ZNF581: variants seen among roughly 807,000 people sequenced by gnomAD.
ZNF581 encodes the protein zinc finger protein 581.
In ZNF581, 1 loss-of-function variant was observed where a neutral mutation model predicts 1.2. The observed-to-expected ratio is 0.83, with a 90% confidence interval of 0.30 to 3.95. The LOEUF (loss-of-function observed/expected upper bound fraction) is 3.95, where lower values mean the gene tolerates loss of function less well. Among genes scored for constraint, ZNF581 ranks in the 30% most tolerant of loss-of-function variants. The pLI is 0.18. For synonymous variants in ZNF581, 105 were observed against 109.2 expected, an observed-to-expected ratio of 0.96 and a Z score of 0.24; for missense variants, 273 against 274.6, an observed-to-expected ratio of 0.99 and a Z score of 0.04.
Position 55,644,525 on chromosome 19 carries a change from C to T in ZNF581, c.-19-28C>T, listed in dbSNP as rs373139015. On this transcript the variant is annotated intron_variant, in intron 1 of 1. Transcript: ENST00000270451. This position sits in a 1 kb window ranked among gnomAD's most constrained non-coding sequence, Gnocchi z 4.3. ...TGCTGAGCTGCCCTCTTCTATATAA[C>T]CTTCTTATCCCATCTCCCATCCACC... The T allele has an allele frequency of 1.1e-5, 15 of 1,427,800 alleles. No homozygotes were observed. The highest frequency in any genetic ancestry group is 9.8e-5 in the East Asian group (4 of 40,880). The allele number at this position is 1,427,800 out of a possible 1,614,324, so 88.4% of individuals were successfully genotyped here.
upstream of ZNF581, chr19:55,641,042 GCCCCCAGT>G: frequency 6.1e-6 from 6 of 984,970 alleles, no homozygotes; most frequent in Non-Finnish European, 7.2e-6. Context: ...GCACCCCCGC[GCCCCCAGT>G]CCCCGCGTCC....
chr19:55,645,241 G>T lies in ZNF581; in HGVS notation c.*76G>T. The T allele has an allele frequency of 7.5e-7, 1 of 1,336,380 alleles. No homozygotes were observed. Among genetic ancestry groups the T allele is most frequent in the Admixed American group, 2.6e-5 (1 of 37,996 alleles). 82.8% of individuals were successfully genotyped at this position (1,336,380 alleles called of 1,614,324 possible). A position where few individuals can be genotyped will look rare whatever the true frequency, so the allele number is the denominator to read the frequency against. ...ACTCCTGTCCAGACACCTGGTGAGA[G>T]CCTGAGGCTGGTGTTCAGGGCCCTG... is the stretch of plus-strand genomic sequence containing the variant. On this transcript the variant is annotated 3_prime_UTR_variant, in exon 2 of 2. Coordinates refer to ENST00000270451, the MANE Select transcript of ZNF581 (RefSeq NM_016535.4).
rs1445563256 is a variant in ZNF581 at position 55,643,670 on chromosome 19, G to C, written c.-124G>C. The C allele has an allele frequency of 1.3e-5, 2 of 152,356 alleles. No homozygotes were observed. The highest frequency in any genetic ancestry group is 6.5e-5 in the Admixed American group (1 of 15,280). The allele number at this position is 152,356 out of a possible 1,614,324, so 9.4% of individuals were successfully genotyped here. A position where few individuals can be genotyped will look rare whatever the true frequency, so the allele number is the denominator to read the frequency against. On this transcript the variant is annotated 5_prime_UTR_variant, in exon 1 of 2. Transcript: ENST00000270451. ...TTCTCTCTTTCGGCCGGCGCCGCCA[G>C]TTCCTGGGGCACACCCAGAGGTCCC... is the stretch of plus-strand genomic sequence containing the variant.
At chr19:55,640,281 C>A (rs550976873), upstream of ZNF581, 2 of 985,480 alleles carry the variant, frequency 2.0e-6, no homozygotes, top group African/African-American at 3.5e-5. Flanking sequence ...CGGAGTCCTT[C>A]GCATGCGCAG....
chr19:55,636,977 G>A (rs1328562204), upstream of ZNF581, among the ~76,000 whole-genome samples: 1 of 152,180 alleles, frequency 6.6e-6, no homozygotes, highest in Non-Finnish European at 1.5e-5. Context: ...GGGCCTTGCA[G>A]AGTGTCTGGG....
chr19:55,643,255 G>A, upstream of ZNF581: 1 of 600,094 alleles, frequency 1.7e-6, no homozygotes. Context: ...CTGGGAACCA[G>A]TCGGAACTGG....
upstream of ZNF581, chr19:55,643,108 C>T: frequency 7.6e-7 from 1 of 1,311,044 alleles, no homozygotes; most frequent in Non-Finnish European, 9.7e-7. Flanking sequence ...CTCCCACACA[C>T]ACCCCCTGGC....
chr19:55,644,689 G>A lies in ZNF581; in HGVS notation c.118G>A (p.Gly40Arg), dbSNP rs1437803660. The change falls in exon 2 of 2, where the codon GGA becomes AGA. Residue 40 changes from glycine (G) to arginine (R), a missense_variant. Gly to Arg is a moderately radical substitution (Grantham distance 125, BLOSUM62 -2). Coordinates refer to ENST00000270451, the MANE Select transcript of ZNF581 (RefSeq NM_016535.4). The surrounding 1 kb of genome is among the most constrained non-coding windows in gnomAD (Gnocchi z 4.3). ...SPEPGPSSSIGSPQASSPPRP... is the reference protein window; with the variant it reads ...SPEPGPSSSIRSPQASSPPRP... ...AGAACCTGGACCTTCCTCCTCCATC[G>A]GATCTCCCCAGGCTTCATCTCCTCC... The A allele has an allele frequency of 6.2e-7, 1 of 1,613,302 alleles. No individual in the cohort carries two copies. The highest frequency in any genetic ancestry group is 8.5e-7 in the Non-Finnish European group (1 of 1,179,710).
chr19:55,637,181 G>A (rs536377296), upstream of ZNF581, among the ~76,000 whole-genome samples: 11 of 152,180 alleles, frequency 7.2e-5, no homozygotes, highest in South Asian at 2.3e-3. Context: ...CAGAGGGGAA[G>A]GTTTTAAGTC....
chr19:55,640,326 C>T (rs919675600), upstream of ZNF581: 7 of 985,028 alleles, frequency 7.1e-6, no homozygotes, highest in Non-Finnish European at 8.4e-6. Context: ...CAGGACCTGG[C>T]GCAGCCCGCG....
upstream of ZNF581, chr19:55,642,489 G>A (rs1326574847): frequency 4.2e-6 from 6 of 1,421,352 alleles, no homozygotes; most frequent in Admixed American, 2.9e-5. Context: ...CCCCTCCGCC[G>A]CTCCCAGCTG....
upstream of ZNF581, among the ~76,000 whole-genome samples, chr19:55,639,679 C>T (rs1034566906): frequency 1.1e-4 from 17 of 152,116 alleles, no homozygotes; most frequent in African/African-American, 4.8e-5. Flanking sequence ...TATAGTGGCA[C>T]GATCTTGGCA....
At chr19:55,636,304 G>T (rs759008308), upstream of ZNF581, among the ~76,000 whole-genome samples, 1 of 152,126 alleles carries the variant, frequency 6.6e-6, no homozygotes, top group Admixed American at 6.5e-5. Context: ...GTGCCCTCAG[G>T]GGGTGGAGGT....
chr19:55,640,812 T>A, upstream of ZNF581: 3 of 985,438 alleles, frequency 3.0e-6, no homozygotes, highest in Non-Finnish European at 2.4e-6. Flanking sequence ...TATTGGCCGA[T>A]CTCTTGTCAA....
chr19:55,636,879 C>G (rs1414360029), upstream of ZNF581, among the ~76,000 whole-genome samples: 1 of 152,062 alleles, frequency 6.6e-6, no homozygotes, highest in Non-Finnish European at 1.5e-5. Flanking sequence ...CAAAAGCTCT[C>G]CAGATGGGAG....
chr19:55,644,313 T>G lies in ZNF581; in HGVS notation c.-19-240T>G, dbSNP rs1982720821. On this transcript the variant is annotated intron_variant, in intron 1 of 1. Transcript: ENST00000270451. The surrounding 1 kb of genome is among the most constrained non-coding windows in gnomAD (Gnocchi z 4.3). The stretch of plus-strand genomic sequence containing the variant: ...AGGTTGTGCAGAGGAGGTCAAGAGA[T>G]CCTGTGAGTACAGTGTATGGTGGAG... Among the ~76,000 whole-genome samples the G allele has an allele frequency of 6.6e-6, 1 of 152,076 alleles. No individual in the cohort carries two copies. Among genetic ancestry groups the G allele is most frequent in the Non-Finnish European group, 1.5e-5 (1 of 67,992 alleles).
upstream of ZNF581, among the ~76,000 whole-genome samples, chr19:55,637,129 A>T (rs1568534077): frequency 1.3e-5 from 2 of 151,744 alleles, no homozygotes; most frequent in Admixed American, 6.6e-5. Context: ...TATTATTATC[A>T]TTTTTTTTGG....
chr19:55,642,443 C>T, upstream of ZNF581: 1 of 1,395,672 alleles, frequency 7.2e-7, no homozygotes, highest in Non-Finnish European at 9.3e-7. Flanking sequence ...TTTTAGGAAA[C>T]TTTTCCTAAA....
At chr19:55,641,345 G>A (rs1471780482), upstream of ZNF581, among the ~76,000 whole-genome samples, 1 of 152,188 alleles carries the variant, frequency 6.6e-6, no homozygotes, top group East Asian at 1.9e-4. Flanking sequence ...AGGGCTCCTT[G>A]GGGAAGTGAA....
Sources: gnomAD v4.1 joint callset for allele counts (sites outside exome capture counted in the v4.1 genomes callset) on GRCh38, gnomAD v4.1.1 for gene constraint, Gnocchi (gnomAD v3.1) non-coding constraint, MANE v1.5 for transcripts, NCBI Gene and HGNC (gene_info 2026-07-23, HGNC 2026-07-21) for gene names.